The following LOC400499 variants were observed in gnomAD, a reference collection of about 807,000 sequenced individuals.
chr16:11,516,873 C>A, the LOC400499 span, among the ~76,000 whole-genome samples: 4 of 152,286 alleles, frequency 2.6e-5, no homozygotes, highest in Admixed American at 2.0e-4. Flanking sequence ...TCTCAAACTC[C>A]TGAGCTCAAG....
chr16:11,430,107 G>A, the LOC400499 span, among the ~76,000 whole-genome samples: 1 of 152,178 alleles, frequency 6.6e-6, no homozygotes, highest in African/African-American at 2.4e-5. Context: ...CCTACCAACA[G>A]GCTTTCTTGA....
chr16:11,399,721 A>C, the LOC400499 span: 1 of 398,756 alleles, frequency 2.5e-6, no homozygotes, highest in East Asian at 3.6e-5. Flanking sequence ...GGAGGCGGCC[A>C]GGCAGCCGTC....
At chr16:11,491,716 C>T in the LOC400499 span, 10 of 394,950 alleles carry the variant, frequency 2.5e-5, no homozygotes, top group South Asian at 3.9e-4. Flanking sequence ...GTGGAGAGCT[C>T]GCCTGCCTGG....
the LOC400499 span, among the ~76,000 whole-genome samples, chr16:11,505,700 C>A: frequency 6.6e-6 from 1 of 151,982 alleles, no homozygotes; most frequent in South Asian, 2.1e-4. Flanking sequence ...CCACCCACCT[C>A]AGCCTCCCAA....
the LOC400499 span, among the ~76,000 whole-genome samples, chr16:11,496,885 T>A: frequency 7.5e-6 from 1 of 133,056 alleles, no homozygotes. Flanking sequence ...CGTGTATGCC[T>A]CAATGTGTGT....
chr16:11,478,181 C>T, the LOC400499 span, among the ~76,000 whole-genome samples: 10 of 150,944 alleles, frequency 6.6e-5, no homozygotes, highest in Non-Finnish European at 1.5e-4. Context: ...ACGCCTGCCA[C>T]CATGCCTGGC....
chr16:11,450,708 C>A, the LOC400499 span: 2 of 1,536,168 alleles, frequency 1.3e-6, no homozygotes, highest in Non-Finnish European at 1.7e-6. Context: ...CCTTTAGGGT[C>A]CAGGCCTTGC....
the LOC400499 span, among the ~76,000 whole-genome samples, chr16:11,389,718 A>C: frequency 3.0e-3 from 457 of 151,916 alleles, 1 homozygote; most frequent in Non-Finnish European, 5.4e-3. Flanking sequence ...AAGATTACAA[A>C]ACAAAAGCAA....
the LOC400499 span, among the ~76,000 whole-genome samples, chr16:11,401,707 A>G: frequency 6.6e-6 from 1 of 152,278 alleles, no homozygotes; most frequent in East Asian, 1.9e-4. Flanking sequence ...TGCACCTCTA[A>G]GTGCTTCAAT....
chr16:11,386,834 C>T, the LOC400499 span, among the ~76,000 whole-genome samples: 2 of 152,250 alleles, frequency 1.3e-5, no homozygotes, highest in African/African-American at 4.8e-5. Context: ...TCTCTTCCAG[C>T]TGGATCTGGA....
At chr16:11,455,448 G>T in the LOC400499 span, among the ~76,000 whole-genome samples, 1 of 152,052 alleles carries the variant, frequency 6.6e-6, no homozygotes, top group Admixed American at 6.6e-5. Flanking sequence ...AAGACTTGGG[G>T]TAGGGGCCAG....
chr16:11,460,990 G>T, the LOC400499 span: 11 of 1,535,682 alleles, frequency 7.2e-6, no homozygotes, highest in South Asian at 1.3e-4. Context: ...GATCCTCAGG[G>T]AGTTGGTCCA....
At chr16:11,459,492 G>A in the LOC400499 span, among the ~76,000 whole-genome samples, 23 of 152,142 alleles carry the variant, frequency 1.5e-4, no homozygotes, top group South Asian at 4.2e-4. Flanking sequence ...CACTGCGCCC[G>A]GCCCCTAAAC....
chr16:11,390,095 C>G, the LOC400499 span: 13 of 1,231,902 alleles, frequency 1.1e-5, 2 homozygotes, highest in South Asian at 4.1e-4. Context: ...ACTCTCAAAC[C>G]CCGAGTTACC....
At chr16:11,407,978 T>TTTTTTGTTTG in the LOC400499 span, among the ~76,000 whole-genome samples, 2 of 138,176 alleles carry the variant, frequency 1.4e-5, no homozygotes, top group African/African-American at 5.5e-5. Context: ...CTGTTTTTTT[T>TTTTTTGTTTG]TTTTTTTTTT....
At chr16:11,422,850 T>C in the LOC400499 span, among the ~76,000 whole-genome samples, 4 of 152,162 alleles carry the variant, frequency 2.6e-5, no homozygotes, top group East Asian at 5.8e-4. Context: ...TGTCTCACGA[T>C]GCCAGGACAT....
chr16:11,435,170 T>A, the LOC400499 span, among the ~76,000 whole-genome samples: 2 of 151,786 alleles, frequency 1.3e-5, no homozygotes, highest in Admixed American at 1.3e-4. Flanking sequence ...TCTGTACAGA[T>A]GGGGTCTATG....
chr16:11,497,824 GGGAA>G, the LOC400499 span, among the ~76,000 whole-genome samples: 1 of 81,412 alleles, frequency 1.2e-5, no homozygotes, highest in Non-Finnish European at 2.7e-5. Flanking sequence ...AATTTTGAAA[GGGAA>G]ATAAATTTAA....
the LOC400499 span, chr16:11,493,516 C>G: frequency 2.6e-6 from 1 of 388,756 alleles, no homozygotes; most frequent in Non-Finnish European, 4.5e-6. Context: ...CACACTAGTA[C>G]CCAGCCCACA....
Sources: gnomAD v4.1 joint callset for allele counts (sites outside exome capture counted in the v4.1 genomes callset) on GRCh38, gnomAD v4.1.1 for gene constraint, MANE v1.5 for transcripts.